USP44: variants seen among roughly 807,000 people sequenced by gnomAD.
USP44 encodes the protein ubiquitin carboxyl-terminal hydrolase 44.
Under a neutral mutation model 69.0 loss-of-function variants are expected in USP44, and 61 were observed. The ratio of observed to expected loss-of-function variants is 0.88; its 90% CI spans 0.72 to 1.09. The LOEUF (loss-of-function observed/expected upper bound fraction) is 1.09. Among genes scored for constraint, USP44 ranks in the 50% least tolerant of loss-of-function variants. The pLI, the probability that USP44 is intolerant of heterozygous loss-of-function variation, is 0.00. For missense variants in USP44, 753 were observed against 849.9 expected, an observed-to-expected ratio of 0.89 and a Z score of 1.42; for synonymous variants, 297 against 295.4, an observed-to-expected ratio of 1.01 and a Z score of -0.06.
intron 1 of USP44, among the ~76,000 whole-genome samples, chr12:95,547,793 G>T (rs908208878): frequency 3.3e-5 from 5 of 152,068 alleles, no homozygotes; most frequent in Non-Finnish European, 5.9e-5. Flanking sequence ...CTTAAAAGGT[G>T]GCGGGAGTGG....
rs769796280 is a variant in USP44, at chr12:95,532,888, G to A, written c.1369C>T (p.Leu457Phe). Residue 457 changes from leucine (L) to phenylalanine (F), a missense_variant, in exon 2 of 6, where the codon CTC becomes TTC. Transcript: ENST00000258499. The stretch of plus-strand genomic sequence containing the variant: ...ACAACATTCAGAACTTGTTTGATGA[G>A]TTTCCTTTGAGAAGTGGGGATAAGA... ...PALIPTSQRKLIKQVLNVVNN... is the reference protein window; with the variant it reads ...PALIPTSQRKFIKQVLNVVNN... The A allele has an allele frequency of 6.2e-6, 10 of 1,610,932 alleles. No homozygotes were observed. Among genetic ancestry groups the A allele is most frequent in the Non-Finnish European group, 7.6e-6 (9 of 1,179,118 alleles).
At chr12:95,549,736 A>G (rs887492795) in intron 1 of USP44, among the ~76,000 whole-genome samples, 1 of 152,242 alleles carries the variant, frequency 6.6e-6, no homozygotes, top group African/African-American at 2.4e-5. Flanking sequence ...TCTTTTCATC[A>G]TCAGTTTTAT....
rs2076644559 is a variant in USP44, at chr12:95,521,061, C to T, written c.1875G>A (p.Val625=). The T allele has an allele frequency of 6.2e-7, 1 of 1,614,074 alleles. No individual in the cohort carries two copies. Among genetic ancestry groups the T allele is most frequent in the South Asian group, 1.1e-5 (1 of 91,086 alleles). ...AGCCAAATCCTTTCCCATGGTGCAT[C>T]ACCACCGCGGACAAGTCATAGATAA... The part of the protein sequence containing the change: ...ECFIYDLSAV[V]MHHGKGFGSG... Residue 625 remains valine (V), a synonymous_variant, in exon 5 of 6, where the codon GTG becomes GTA. Transcript: ENST00000258499.
chr12:95,522,929 A>G (rs1185332753), intron 4 of USP44, among the ~76,000 whole-genome samples: 3 of 152,020 alleles, frequency 2.0e-5, no homozygotes, highest in Non-Finnish European at 2.9e-5. Context: ...CCTTCCAAAC[A>G]CTGCCCCCAA....
intron 1 of USP44, among the ~76,000 whole-genome samples, chr12:95,543,966 C>CAAAAAAAAAA (rs760105964): frequency 4.2e-5 from 2 of 47,678 alleles, no homozygotes; most frequent in African/African-American, 7.0e-5. Flanking sequence ...GACTGCATCT[C>CAAAAAAAAAA]AAAAAAAAAA....
In USP44 at chr12:95,521,035, G is replaced by A. The variant is rs149989017; in HGVS notation, c.1901C>T (p.Ser634Leu). ...VVMHHGKGFGSGHYTAYCYNS... is the reference protein window; with the variant it reads ...VVMHHGKGFGLGHYTAYCYNS... The stretch of plus-strand genomic sequence containing the variant: ...ATAGCAGTAGGCAGTGTAGTGCCCT[G>A]AGCCAAATCCTTTCCCATGGTGCAT... Residue 634 changes from serine to leucine, a missense_variant, in exon 5 of 6, where the codon TCA becomes TTA. Ser to Leu is a moderately radical substitution (Grantham distance 145). Transcript: ENST00000258499. 1.1e-5 allele frequency: 17 copies of A among 1,614,040 alleles called. No homozygotes were observed. In the African/African-American group the frequency reaches 1.5e-4, roughly 14 times the overall value.
intron 1 of USP44, among the ~76,000 whole-genome samples, chr12:95,541,749 A>G (rs1592738043): frequency 6.6e-6 from 1 of 151,966 alleles, no homozygotes; most frequent in South Asian, 2.1e-4. Flanking sequence ...TTGCCTCATG[A>G]CCCTTCTACC....
At chr12:95,520,602 A>T (rs1281779196) in intron 5 of USP44, among the ~76,000 whole-genome samples, 2 of 152,182 alleles carry the variant, frequency 1.3e-5, no homozygotes, top group Non-Finnish European at 2.9e-5. Flanking sequence ...TGTGTGTTAA[A>T]CTTGAACGCA....
In USP44 at chr12:95,532,884, A is replaced by T; in HGVS notation, c.1373T>A (p.Ile458Asn). Residue 458 changes from isoleucine (I) to asparagine (N), a missense_variant, in exon 2 of 6, where the codon ATC (isoleucine) becomes AAC (asparagine). Physicochemically the swap from Ile to Asn is moderately radical, Grantham distance 149. Coordinates refer to ENST00000258499, the MANE Select transcript of USP44 (RefSeq NM_032147.5). ...ALIPTSQRKL[I>N]KQVLNVVNNI... ...ATTTACAACATTCAGAACTTGTTTG[A>T]TGAGTTTCCTTTGAGAAGTGGGGAT... The T allele has an allele frequency of 6.2e-7, 1 of 1,610,194 alleles. No homozygotes were observed. The highest frequency in any genetic ancestry group is 8.5e-7 in the Non-Finnish European group (1 of 1,178,828).
chr12:95,539,723 T>C (rs1272155853), intron 1 of USP44, among the ~76,000 whole-genome samples: 2 of 152,186 alleles, frequency 1.3e-5, no homozygotes, highest in East Asian at 3.9e-4. Flanking sequence ...AAATTCCCTT[T>C]AGCAAATCTC....
chr12:95,539,079 G>T (rs949399727), intron 1 of USP44, among the ~76,000 whole-genome samples: 2 of 152,172 alleles, frequency 1.3e-5, no homozygotes, highest in African/African-American at 4.8e-5. Flanking sequence ...TAGGATGCTT[G>T]AAATGAAATC....
chr12:95,532,132 T>C (rs2077039213), intron 2 of USP44, among the ~76,000 whole-genome samples: 2 of 151,908 alleles, frequency 1.3e-5, no homozygotes, highest in African/African-American at 2.4e-5. Context: ...TCCCTGAAAT[T>C]GCTCAAGTGT....
rs990501158 is a variant in USP44 at position 95,524,736 on chromosome 12, T to G, written c.1677A>C (p.Lys559Asn). 13 of 1,612,562 alleles carry G rather than the reference T, an allele frequency of 8.1e-6. No homozygotes were observed. The highest frequency in any genetic ancestry group is 1.6e-4 in the Middle Eastern group (1 of 6,082). ...SKPVVLTEAQ[K>N]QLMICHLPQV... ...GAGGTAGGTGGCATATCATAAGTTG[T>G]TTCTGGGCTTCTGTGAGTACAACTG... is the stretch of plus-strand genomic sequence containing the variant. The change falls in exon 4 of 6, where the codon AAA becomes AAC. Residue 559 changes from lysine (K) to asparagine (N), a missense_variant. Coordinates refer to ENST00000258499, the MANE Select transcript of USP44 (RefSeq NM_032147.5).
rs774593461 is a variant in USP44, at chr12:95,533,282, T to C, written c.975A>G (p.Pro325=). The part of the protein sequence containing the change: ...SEKTRSCKHP[P]VTDTVVYQMN... ...TTTGATATACTACTGTATCTGTGAC[T>C]GGTGGATGCTTACAAGATCTTGTCT... is the stretch of plus-strand genomic sequence containing the variant. Residue 325 remains proline (P), a synonymous_variant, in exon 2 of 6, where the codon CCA becomes CCG. Transcript: ENST00000258499. 1 of 1,614,162 alleles carries C rather than the reference T, an allele frequency of 6.2e-7. No individual in the cohort carries two copies. Among genetic ancestry groups the C allele is most frequent in the East Asian group, 2.2e-5 (1 of 44,892 alleles).
intron 1 of USP44, among the ~76,000 whole-genome samples, chr12:95,541,632 G>A (rs1167218990): frequency 1.3e-5 from 2 of 152,050 alleles, no homozygotes; most frequent in Non-Finnish European, 2.9e-5. Context: ...TTTAAAAAAT[G>A]CTGATTGTGA....
chr12:95,517,949 A>C lies in USP44; in HGVS notation c.*205T>G. The C allele has an allele frequency of 2.1e-6, 1 of 476,526 alleles. No individual in the cohort carries two copies. Among genetic ancestry groups the C allele is most frequent in the Non-Finnish European group, 3.6e-6 (1 of 277,936 alleles). The allele number at this position is 476,526 out of a possible 1,614,324, so 29.5% of individuals were successfully genotyped here. On this transcript the variant is annotated 3_prime_UTR_variant, in exon 6 of 6. Coordinates refer to ENST00000258499, the MANE Select transcript of USP44 (RefSeq NM_032147.5). ...AACATCAGTCTGAGGTAAACACCAA[A>C]AGTTTAAAACTCCAAATATGAAAAA...
rs978641457 is a variant in USP44, at chr12:95,517,985, T to C, written c.*169A>G. The C allele has an allele frequency of 3.4e-6, 2 of 592,282 alleles. No homozygotes were observed. The highest frequency in any genetic ancestry group is 1.9e-5 in the African/African-American group (1 of 53,914). The allele number at this position is 592,282 out of a possible 1,614,324, so 36.7% of individuals were successfully genotyped here. A position where few individuals can be genotyped will look rare whatever the true frequency, so the allele number is the denominator to read the frequency against. On this transcript the variant is annotated 3_prime_UTR_variant, in exon 6 of 6. Coordinates refer to ENST00000258499, the MANE Select transcript of USP44 (RefSeq NM_032147.5). ...TCCAAATATGAAAAAAGTAGTTACCTTCAGTTGATATATACATTTATACTT... is the reference window on the plus strand; with the variant it reads ...TCCAAATATGAAAAAAGTAGTTACCCTCAGTTGATATATACATTTATACTT...
rs375783465 is a variant in USP44, at chr12:95,533,969, C to G, written c.288G>C (p.Lys96Asn). Residue 96 changes from lysine (K) to asparagine (N), a missense_variant, in exon 2 of 6, where the codon AAG (lysine) becomes AAC (asparagine). By Grantham distance (94) the Lys-to-Asn change is moderately conservative (BLOSUM62 0). Coordinates refer to ENST00000258499, the MANE Select transcript of USP44 (RefSeq NM_032147.5). ...TGGCACTTAATGTACGTCGTAGTAACTTCAGGTCTCCAGTTGTGTTATCAT... is the reference window on the plus strand; with the variant it reads ...TGGCACTTAATGTACGTCGTAGTAAGTTCAGGTCTCCAGTTGTGTTATCAT... ...VLNDNTTGDL[K>N]LLRRTLSAIK... 61 of 1,614,064 alleles carry G rather than the reference C, an allele frequency of 3.8e-5. No individual in the cohort carries two copies. The highest frequency in any genetic ancestry group is 5.0e-5 in the Non-Finnish European group (59 of 1,180,030).
intron 5 of USP44, among the ~76,000 whole-genome samples, chr12:95,519,607 A>ATT (rs539831220): frequency 2.1e-5 from 3 of 145,092 alleles, no homozygotes; most frequent in African/African-American, 7.5e-5. Flanking sequence ...CGCCCGGCTA[A>ATT]TTTTTTTTTT....
Sources: allele counts gnomAD v4.1 joint callset (sites outside exome capture counted in the v4.1 genomes callset), GRCh38; gene constraint gnomAD v4.1.1; transcripts MANE v1.5; gene names NCBI Gene and HGNC (gene_info 2026-07-23, HGNC 2026-07-21).